Variants in PAN2 observed in about 807,000 individuals in gnomAD.
The protein encoded by PAN2 is poly(A) specific ribonuclease subunit PAN2.
A neutral mutation model predicts 133.3 loss-of-function variants in PAN2; 68 were observed. The observed-to-expected ratio is 0.51, with a 90% CI of 0.42 to 0.62. The LOEUF is 0.62. PAN2 is among the 20% of genes least tolerant of loss of function. The pLI is 0.00. For missense variants in PAN2, 1,042 were observed against 1,500.5 expected (o/e 0.69, Z 5.05); for synonymous variants, 462 against 544.6 (o/e 0.85, Z 2.11).
At chr12:56,331,402 G>C (rs1487059363) in intron 2 of PAN2, among the ~76,000 whole-genome samples, 1 of 152,174 alleles carries the variant, frequency 6.6e-6, no homozygotes, top group Non-Finnish European at 1.5e-5. Context: ...CTCAGTTCAA[G>C]GGTTACTTCC....
rs566664581 is a variant in PAN2 at position 56,327,647 on chromosome 12, T to A, written c.652-16A>T. On this transcript the variant is annotated splice_polypyrimidine_tract_variant and intron_variant, in intron 5 of 25. Transcript: ENST00000440411. ...TCAGGGAAACCTAGAAAAAAAAAAT[T>A]CAGTTATCTGCAAATTCTGTTATCA... The A allele has an allele frequency of 2.2e-5, 35 of 1,610,476 alleles. No individual in the cohort carries two copies. The South Asian group carries it at 3.7e-4, about 17-fold the overall frequency.
At chr12:56,329,872 A>AG (rs1366938510) in intron 2 of PAN2, among the ~76,000 whole-genome samples, 1 of 146,706 alleles carries the variant, frequency 6.8e-6, no homozygotes, top group African/African-American at 2.5e-5. Flanking sequence ...TTAACCTGGG[A>AG]GGCAGAGGTT....
At position 56,328,002 on chromosome 12, in the gene PAN2, G is replaced by C; in HGVS notation, c.644C>G (p.Ser215Cys). ...GAAATGGAACTTGGCCACCTTGCCAGACGTGTGGCCGCAGAAGAAGAAGCG... is the reference window on the plus strand; with the variant it reads ...GAAATGGAACTTGGCCACCTTGCCACACGTGTGGCCGCAGAAGAAGAAGCG... ...TNRFFFCGHT[S>C]GKVSLRDLRT... Residue 215 changes from serine (S) to cysteine (C), a missense_variant, in exon 5 of 26, where the codon TCT becomes TGT. Physicochemically the swap from Ser to Cys is moderately radical, Grantham distance 112 (BLOSUM62 -1). Coordinates refer to ENST00000440411, the MANE Select transcript of PAN2 (RefSeq NM_014871.6). 1 of 1,613,944 alleles carries C rather than the reference G, an allele frequency of 6.2e-7. No homozygotes were observed. Among genetic ancestry groups the C allele is most frequent in the East Asian group, 2.2e-5 (1 of 44,882 alleles).
chr12:56,325,896 C>G (rs1875069212), intron 8 of PAN2, among the ~76,000 whole-genome samples: 1 of 152,146 alleles, frequency 6.6e-6, no homozygotes, highest in African/African-American at 2.4e-5. Flanking sequence ...TCTTTACTAA[C>G]ACTCTTCTCT....
rs1229894560 is a variant in PAN2 at position 56,320,101 on chromosome 12, G to A, written c.2789-80C>T. On this transcript the variant is annotated intron_variant, in intron 20 of 25. Coordinates refer to ENST00000440411, the MANE Select transcript of PAN2 (RefSeq NM_014871.6). ...GAGAAGCCCAGTGTGGCTGATCATC[G>A]ACTCTGGGTCTTCACTGTGATCCCT... 16 of 1,334,692 alleles carry A rather than the reference G, an allele frequency of 1.2e-5. No individual in the cohort carries two copies. In the Admixed American group the frequency reaches 1.6e-4, roughly 14 times the overall value. 82.7% of individuals were successfully genotyped at this position (1,334,692 alleles called of 1,614,324 possible).
rs991228388 is a variant in PAN2, at chr12:56,319,007, G to A, written c.3364+81C>T. The A allele has an allele frequency of 1.9e-5, 26 of 1,371,910 alleles. No homozygotes were observed. The highest frequency in any genetic ancestry group is 1.1e-4 in the East Asian group (5 of 43,600). The allele number at this position is 1,371,910 out of a possible 1,614,324, so 85.0% of individuals were successfully genotyped here. On this transcript the variant is annotated intron_variant, in intron 24 of 25. Coordinates refer to ENST00000440411, the MANE Select transcript of PAN2 (RefSeq NM_014871.6). This position sits in a 1 kb window ranked among gnomAD's most constrained non-coding sequence, Gnocchi z 5.4. ...GGCCCACAGCTCCATCCATGTTGCC[G>A]CAAAGAACATGATTTCTTTTTTTTT...
At chr12:56,327,654 T>C (rs778088604) in intron 5 of PAN2, 23 bp from the exon 6 acceptor site, 2 of 1,609,886 alleles carry the variant, frequency 1.2e-6, no homozygotes, top group Admixed American at 3.4e-5. Flanking sequence ...AATTCAGTTA[T>C]CTGCAAATTC....
intron 17 of PAN2, 63 bp from the exon 18 acceptor site, chr12:56,322,821 G>A: frequency 1.4e-6 from 2 of 1,388,566 alleles, no homozygotes; most frequent in Non-Finnish European, 9.8e-7. Flanking sequence ...GGGGAATGGG[G>A]ACAGAGGACA....
chr12:56,323,081 G>A lies in PAN2; in HGVS notation c.2474C>T (p.Thr825Ile). 3.7e-6 allele frequency: 6 copies of A among 1,613,854 alleles called. No homozygotes were observed. The highest frequency in any genetic ancestry group is 1.1e-5 in the South Asian group (1 of 91,070). The change falls in exon 17 of 26, where the codon ACT (threonine) becomes ATT (isoleucine). Residue 825 changes from threonine (T) to isoleucine (I), a missense_variant. Thr to Ile is a moderately conservative substitution (Grantham distance 89). This residue lies in a region of PAN2 where 908 missense variants were observed against 1,223.5 expected (regional missense o/e 0.74). Coordinates refer to ENST00000440411, the MANE Select transcript of PAN2 (RefSeq NM_014871.6). ...AACAACCTGCATCTCATCCCCATCA[G>A]TCCAATTGCAAACATCCAGCCCTTT... ...KNKGLDVCNW[T>I]DGDEMQWGPA... is the part of the protein sequence containing the mutation.
At chr12:56,320,156 C>T in intron 20 of PAN2, 135 bp from the exon 21 acceptor site, 2 of 767,864 alleles carry the variant, frequency 2.6e-6, no homozygotes, top group Non-Finnish European at 2.1e-6. Context: ...GAAAAAAGAT[C>T]ATGTCTGATA....
chr12:56,323,242 G>A (rs150235256), intron 16 of PAN2, 33 bp from the exon 17 acceptor site: 108 of 1,613,900 alleles, frequency 6.7e-5, no homozygotes, highest in Middle Eastern at 4.9e-4. Context: ...AATTTGTTCC[G>A]AAAGAGGTCT....
In PAN2 at chr12:56,319,900, C is replaced by A. The variant is rs1874289208; in HGVS notation, c.2910G>T (p.Leu970=). The change falls in exon 21 of 26, where the codon CTG becomes CTT. Residue 970 remains leucine, a synonymous_variant. Transcript: ENST00000440411. The surrounding 1 kb of genome is among the most constrained non-coding windows in gnomAD (Gnocchi z 5.4). ...MLNEMPQIGD[L]VGLDAEFVTL... is the part of the protein sequence containing the mutation. Reference sequence around the variant, plus strand: ...TGACAAACTCAGCATCCAGACCCACCAGGTCCCCAATCTGTGGCATCTCAT... The same window carrying A: ...TGACAAACTCAGCATCCAGACCCACAAGGTCCCCAATCTGTGGCATCTCAT... 6.2e-7 allele frequency: 1 copy of A among 1,614,124 alleles called. No individual in the cohort carries two copies. Among genetic ancestry groups the A allele is most frequent in the Admixed American group, 1.7e-5 (1 of 60,010 alleles).
Position 56,322,177 on chromosome 12 carries a change from G to A in PAN2, c.2698-9C>T, listed in dbSNP as rs956743387. The stretch of plus-strand genomic sequence containing the variant: ...AACTGCACAGCTTCATGCTATAGAA[G>A]AGAAAAAGCACTTATGGCTAATGTA... On this transcript the variant is annotated splice_polypyrimidine_tract_variant and intron_variant, in intron 19 of 25. Transcript: ENST00000440411. 6.4e-6 allele frequency: 10 copies of A among 1,552,418 alleles called. No individual in the cohort carries two copies. In the Admixed American group the frequency reaches 8.4e-5, roughly 13 times the overall value.
At position 56,319,301 on chromosome 12, in the gene PAN2, G is replaced by A. The variant is rs746794966; in HGVS notation, c.3270+7C>T. 1.9e-6 allele frequency: 3 copies of A among 1,612,640 alleles called. No homozygotes were observed. The South Asian group carries it at 3.3e-5, about 18-fold the overall frequency. On this transcript the variant is annotated splice_region_variant and intron_variant, in intron 23 of 25. Coordinates refer to ENST00000440411, the MANE Select transcript of PAN2 (RefSeq NM_014871.6). The surrounding 1 kb of genome is among the most constrained non-coding windows in gnomAD (Gnocchi z 5.4). ...ACAAGAAGACTCTTAAAAGAGCCCT[G>A]CCAAACCATCAGGTTGATGACCCGG...
intron 17 of PAN2, 148 bp from the exon 18 acceptor site, chr12:56,322,906 GAACTGAGT>G (rs1874719727): frequency 1.6e-6 from 2 of 1,256,764 alleles, no homozygotes; most frequent in Admixed American, 2.0e-5. Context: ...CCCCAACACT[GAACTGAGT>G]GACTATGGAA....
At chr12:56,329,171 T>A (rs1212139244) in intron 2 of PAN2, among the ~76,000 whole-genome samples, 1 of 152,196 alleles carries the variant, frequency 6.6e-6, no homozygotes, top group Admixed American at 6.5e-5. Flanking sequence ...AACCTCAAAC[T>A]CATGACATCC....
At position 56,322,122 on chromosome 12, in the gene PAN2, A is replaced by T. The variant is rs777773331; in HGVS notation, c.2744T>A (p.Leu915His). The T allele has an allele frequency of 6.2e-7, 1 of 1,611,200 alleles. No individual in the cohort carries two copies. The highest frequency in any genetic ancestry group is 1.1e-5 in the South Asian group (1 of 91,004). The change falls in exon 20 of 26, where the codon CTT becomes CAT. Residue 915 changes from leucine (L) to histidine (H), a missense_variant. Physicochemically the swap from Leu to His is moderately conservative, Grantham distance 99. Around this residue, in one of 3 missense-constraint regions of PAN2, gnomAD observed 908 missense variants for 1,223.5 expected, o/e 0.74. Transcript: ENST00000440411. ...FDMNWKVPAI[L>H]YYVKRNLNSR... ...ATTGAGATTCCGTTTGACATAATAA[A>T]GGATTGCAGGTACTTTCCAATTCAT...
intron 2 of PAN2, among the ~76,000 whole-genome samples, chr12:56,330,354 T>A (rs1234785721): frequency 6.2e-5 from 1 of 16,048 alleles, no homozygotes; most frequent in African/African-American, 8.1e-5. Context: ...TGTATTTTTC[T>A]TTTTTTTTTT....
Position 56,326,614 on chromosome 12 carries a change from A to C in PAN2, c.1262+3T>G, listed in dbSNP as rs1209934369. 1.9e-6 allele frequency: 3 copies of C among 1,609,788 alleles called. No homozygotes were observed. Among genetic ancestry groups the C allele is most frequent in the Admixed American group, 1.7e-5 (1 of 59,692 alleles). ...GCCTTTTGGCCCAGAGGTAGGGTAC[A>C]ACCTGGGAGCTGGAGCAGAGTTGGC... On this transcript the variant is annotated splice_donor_region_variant and intron_variant, in intron 7 of 25. Coordinates refer to ENST00000440411, the MANE Select transcript of PAN2 (RefSeq NM_014871.6).
Sources: allele counts gnomAD v4.1 joint callset (sites outside exome capture counted in the v4.1 genomes callset), GRCh38; gene constraint gnomAD v4.1.1; regional missense constraint gnomAD v4.1.1; non-coding constraint Gnocchi (gnomAD v3.1); transcripts MANE v1.5; gene names NCBI Gene and HGNC (gene_info 2026-07-23, HGNC 2026-07-21).